The following DNAAF4 variants were observed in gnomAD, a reference collection of about 807,000 sequenced individuals.
DNAAF4 encodes dynein assembly factor 4, axonemal.
Under a neutral mutation model 51.8 loss-of-function variants are expected in DNAAF4, and 43 were observed. That is an observed-to-expected ratio of 0.83 (90% CI 0.65 to 1.07). The LOEUF is 1.07. Among genes scored for constraint, DNAAF4 ranks in the 50% least tolerant of loss-of-function variants. The pLI, the probability that DNAAF4 is intolerant of heterozygous loss-of-function variation, is 0.00. For synonymous variants in DNAAF4, 194 were observed against 165.6 expected, an observed-to-expected ratio of 1.17 and a Z score of -1.32; for missense variants, 581 against 493.0, an observed-to-expected ratio of 1.18 and a Z score of -1.69.
intron 4 of DNAAF4, among the ~76,000 whole-genome samples, chr15:55,480,542 T>G (rs545463013): frequency 1.7e-4 from 26 of 152,222 alleles, no homozygotes; most frequent in African/African-American, 6.0e-4. Context: ...TTGTTTGCAC[T>G]GCACACTTGT....
intron 7 of DNAAF4, chr15:55,418,646 A>G: frequency 1.0e-6 from 1 of 992,468 alleles, no homozygotes; most frequent in Non-Finnish European, 1.4e-6. Flanking sequence ...TAGAATACCT[A>G]ATAAAGAAGA....
chr15:55,446,303 G>A (rs867111577), intron 6 of DNAAF4, among the ~76,000 whole-genome samples: 7 of 109,022 alleles, frequency 6.4e-5, no homozygotes, highest in African/African-American at 2.7e-4. Flanking sequence ...AGACGGGGGG[G>A]GGGGGCAGCT....
At chr15:55,502,579 G>T (rs917455007) in intron 1 of DNAAF4, among the ~76,000 whole-genome samples, 2 of 151,930 alleles carry the variant, frequency 1.3e-5, no homozygotes, top group African/African-American at 4.8e-5. Context: ...TCTTACAAAG[G>T]CCCCAGTCAA....
intron 4 of DNAAF4, among the ~76,000 whole-genome samples, chr15:55,473,458 T>C (rs1174645951): frequency 2.0e-5 from 3 of 150,216 alleles, no homozygotes; most frequent in African/African-American, 7.3e-5. Flanking sequence ...CCTAGGAAAA[T>C]ATTAAAATTA....
At chr15:55,433,520 G>A (rs1474892964) in intron 8 of DNAAF4, among the ~76,000 whole-genome samples, 1 of 150,430 alleles carries the variant, frequency 6.6e-6, no homozygotes, top group Non-Finnish European at 1.5e-5. Flanking sequence ...CAGCTACTCC[G>A]GACGCTGAGG....
chr15:55,477,636 G>A lies in DNAAF4; in HGVS notation c.406-10475C>T, dbSNP rs903832852. On this transcript the variant is annotated intron_variant, in intron 4 of 9. Coordinates refer to ENST00000321149, the MANE Select transcript of DNAAF4 (RefSeq NM_130810.4). Reference sequence around the variant, plus strand: ...AATATTTAAAAATATATGTAAGTATGTATGTATGTATGCGTGTGTGTGTGT... The same window carrying A: ...AATATTTAAAAATATATGTAAGTATATATGTATGTATGCGTGTGTGTGTGT... Among the ~76,000 whole-genome samples the A allele has an allele frequency of 1.2e-4, 16 of 138,458 alleles. 1 individual carries two copies. Among genetic ancestry groups the A allele is most frequent in the Admixed American group, 8.6e-4 (11 of 12,764 alleles). 90.8% of individuals were successfully genotyped at this position (138,458 alleles called of 152,430 possible).
chr15:55,446,302 G>GA (rs1228103488), intron 6 of DNAAF4, among the ~76,000 whole-genome samples: 3 of 113,224 alleles, frequency 2.6e-5, no homozygotes, highest in African/African-American at 6.9e-5. Context: ...CAGACGGGGG[G>GA]GGGGGGCAGC....
At chr15:55,433,608 A>C (rs1279486472) in intron 8 of DNAAF4, among the ~76,000 whole-genome samples, 1 of 137,058 alleles carries the variant, frequency 7.3e-6, no homozygotes, top group African/African-American at 2.9e-5. Flanking sequence ...CCTGGGCAAC[A>C]GAGCAAGACC....
intron 3 of DNAAF4, among the ~76,000 whole-genome samples, chr15:55,491,742 ATAT>A (rs1464776196): frequency 1.7e-4 from 23 of 134,524 alleles, no homozygotes; most frequent in East Asian, 7.9e-4. Flanking sequence ...ATAATATATA[ATAT>A]TATATTATAA....
chr15:55,491,336 C>A lies in DNAAF4; in HGVS notation c.272-80G>T, dbSNP rs1292350794. The A allele has an allele frequency of 3.6e-6, 5 of 1,401,952 alleles. No individual in the cohort carries two copies. In the East Asian group the frequency reaches 9.5e-5, roughly 27 times the overall value. 86.8% of individuals were successfully genotyped at this position (1,401,952 alleles called of 1,614,324 possible). A position where few individuals can be genotyped will look rare whatever the true frequency, so the allele number is the denominator to read the frequency against. ...TGAGAAAACTACTTAAATAAACTGA[C>A]CCAGGATGAGATTTCTTTGTACCCA... On this transcript the variant is annotated intron_variant, in intron 3 of 9. Coordinates refer to ENST00000321149, the MANE Select transcript of DNAAF4 (RefSeq NM_130810.4).
At chr15:55,488,561 T>C (rs959456814) in intron 4 of DNAAF4, among the ~76,000 whole-genome samples, 1 of 152,188 alleles carries the variant, frequency 6.6e-6, no homozygotes, top group Non-Finnish European at 1.5e-5. Flanking sequence ...TATTAATTTA[T>C]TCAAATGTTT....
intron 5 of DNAAF4, among the ~76,000 whole-genome samples, chr15:55,458,567 A>C (rs956830325): frequency 6.6e-6 from 1 of 152,172 alleles, no homozygotes; most frequent in African/African-American, 2.4e-5. Context: ...CATAAGAATA[A>C]TTGGTGCTCC....
chr15:55,485,520 G>A (rs1168419966), intron 4 of DNAAF4, among the ~76,000 whole-genome samples: 8 of 151,562 alleles, frequency 5.3e-5, no homozygotes, highest in Non-Finnish European at 5.9e-5. Flanking sequence ...AAGGTTTCTG[G>A]GTTTCAACTT....
At chr15:55,448,356 A>T (rs1161470690) in intron 6 of DNAAF4, among the ~76,000 whole-genome samples, 1 of 151,944 alleles carries the variant, frequency 6.6e-6, no homozygotes, top group Non-Finnish European at 1.5e-5. Context: ...CATCCAGGAT[A>T]TTGATCTAAA....
chr15:55,426,591 G>C (rs933774747), downstream of DNAAF4, among the ~76,000 whole-genome samples: 5 of 152,002 alleles, frequency 3.3e-5, no homozygotes, highest in Admixed American at 2.0e-4. Context: ...CACCATGTCC[G>C]GCTAATTTTT....
At chr15:55,477,859 A>T (rs905017938) in intron 4 of DNAAF4, among the ~76,000 whole-genome samples, 1 of 151,848 alleles carries the variant, frequency 6.6e-6, no homozygotes. Context: ...TAAGGTCAGG[A>T]ATTTGAGATC....
chr15:55,489,247 AT>A (rs778520562), intron 4 of DNAAF4, among the ~76,000 whole-genome samples: 1 of 152,134 alleles, frequency 6.6e-6, no homozygotes, highest in African/African-American at 2.4e-5. Context: ...TTCTATATTA[AT>A]TTTTTTAAAT....
At chr15:55,421,093 G>A (rs7174810) in intron 7 of DNAAF4, among the ~76,000 whole-genome samples, 68,588 of 150,596 alleles carry the variant, frequency 0.46, 16,299 homozygotes, top group East Asian at 0.74. Flanking sequence ...AGGAGGCTGC[G>A]GCAGGAGAAT....
At chr15:55,458,828 C>A (rs906169907) in intron 5 of DNAAF4, among the ~76,000 whole-genome samples, 8 of 152,102 alleles carry the variant, frequency 5.3e-5, no homozygotes, top group African/African-American at 1.7e-4. Flanking sequence ...AATCTCAGCA[C>A]TTTGGGAGGC....
Sources: gnomAD v4.1 joint callset for allele counts (sites outside exome capture counted in the v4.1 genomes callset) on GRCh38, gnomAD v4.1.1 for gene constraint, MANE v1.5 for transcripts, NCBI Gene and HGNC (gene_info 2026-07-23, HGNC 2026-07-21) for gene names.